Variants in CRPPA observed in about 807,000 individuals in gnomAD.
The protein encoded by CRPPA is CDP-L-ribitol pyrophosphorylase A.
Under a neutral mutation model 52.0 loss-of-function variants are expected in CRPPA, and 43 were observed. The observed-to-expected ratio is 0.83, with a 90% CI of 0.65 to 1.07. The LOEUF is 1.07. CRPPA is among the 50% of genes least tolerant of loss of function. The pLI is 0.00. For synonymous variants in CRPPA, 250 were observed against 203.5 expected, an observed-to-expected ratio of 1.23 and a Z score of -1.94; for missense variants, 629 against 551.7, an observed-to-expected ratio of 1.14 and a Z score of -1.40.
chr7:16,189,507 C>T (rs1444523162), intron 9 of CRPPA, among the ~76,000 whole-genome samples: 1 of 152,138 alleles, frequency 6.6e-6, no homozygotes, highest in Non-Finnish European at 1.5e-5. Context: ...GCAAGAGCTA[C>T]CACATAGCCA....
At chr7:16,225,915 G>A (rs1448669914) in intron 8 of CRPPA, among the ~76,000 whole-genome samples, 1 of 151,632 alleles carries the variant, frequency 6.6e-6, no homozygotes, top group Non-Finnish European at 1.5e-5. Flanking sequence ...CAAAGGCAAA[G>A]TAATCTTAAA....
intron 9 of CRPPA, among the ~76,000 whole-genome samples, chr7:16,174,832 AC>A (rs1781262271): frequency 6.6e-6 from 1 of 152,196 alleles, no homozygotes; most frequent in African/African-American, 2.4e-5. Flanking sequence ...AGGAACCCTT[AC>A]ATTATTCAGC....
intron 5 of CRPPA, among the ~76,000 whole-genome samples, chr7:16,281,646 C>G (rs1430477193): frequency 6.6e-6 from 1 of 152,138 alleles, no homozygotes; most frequent in Non-Finnish European, 1.5e-5. Context: ...TTTTCCTACT[C>G]TCTAGAAAGT....
At chr7:16,118,396 G>A (rs1363306830) in intron 9 of CRPPA, among the ~76,000 whole-genome samples, 1 of 152,176 alleles carries the variant, frequency 6.6e-6, no homozygotes, top group Non-Finnish European at 1.5e-5. Flanking sequence ...CTGGCATTGA[G>A]TTAGACTGAT....
chr7:16,217,630 A>G (rs1451592976), intron 8 of CRPPA, among the ~76,000 whole-genome samples: 1 of 147,196 alleles, frequency 6.8e-6, no homozygotes, highest in Non-Finnish European at 1.5e-5. Flanking sequence ...AGGCTCGAGA[A>G]CTACGTGAAG....
chr7:16,399,643 CAT>C (rs1787740385), intron 2 of CRPPA, among the ~76,000 whole-genome samples: 2 of 151,768 alleles, frequency 1.3e-5, no homozygotes, highest in South Asian at 4.2e-4. Context: ...ACATGATCGA[CAT>C]GTAATCAACG....
intron 9 of CRPPA, among the ~76,000 whole-genome samples, chr7:16,146,759 T>TA (rs141603004): frequency 0.023 from 3,522 of 151,978 alleles, 145 homozygotes; most frequent in African/African-American, 0.08. Flanking sequence ...AAATGTATAA[T>TA]AGACACACAA....
intron 9 of CRPPA, among the ~76,000 whole-genome samples, chr7:16,117,740 C>T (rs1782405055): frequency 6.6e-6 from 1 of 152,198 alleles, no homozygotes. Flanking sequence ...GCATTCCCAC[C>T]ATCTTCCTTG....
rs1466784149 is a variant in CRPPA at position 16,134,529 on chromosome 7, G to A, written c.1252-42730C>T. On this transcript the variant is annotated intron_variant, in intron 9 of 9. Transcript: ENST00000407010. ...CAATTATGTTACCAGTAAGGCATCCGGTCAACAGTAGGTTAGTAGTCAAGT... is the reference window on the plus strand; with the variant it reads ...CAATTATGTTACCAGTAAGGCATCCAGTCAACAGTAGGTTAGTAGTCAAGT... Among the ~76,000 whole-genome samples the A allele has an allele frequency of 2.6e-5, 4 of 152,100 alleles. No individual in the cohort carries two copies. In the East Asian group the frequency reaches 5.8e-4, roughly 22 times the overall value.
At chr7:16,287,951 GAAGGA>G (rs929523992) in intron 5 of CRPPA, among the ~76,000 whole-genome samples, 1 of 142,606 alleles carries the variant, frequency 7.0e-6, no homozygotes, top group Admixed American at 7.0e-5. Flanking sequence ...GGGAGGGAGG[GAAGGA>G]AAGAAGGAAA....
At chr7:16,338,803 T>C (rs1785748909) in intron 3 of CRPPA, among the ~76,000 whole-genome samples, 1 of 144,882 alleles carries the variant, frequency 6.9e-6, no homozygotes, top group Non-Finnish European at 1.5e-5. Context: ...TCATCGTGAA[T>C]TCTAGCAAAC....
chr7:16,226,500 A>G (rs1356663439), intron 8 of CRPPA, among the ~76,000 whole-genome samples: 3 of 151,910 alleles, frequency 2.0e-5, no homozygotes, highest in Non-Finnish European at 4.4e-5. Context: ...TGGTCGGCCA[A>G]ATAAAACACA....
intron 9 of CRPPA, among the ~76,000 whole-genome samples, chr7:16,131,079 T>C (rs1782672292): frequency 6.6e-6 from 1 of 152,192 alleles, no homozygotes; most frequent in Non-Finnish European, 1.5e-5. Flanking sequence ...TTTATGTTGT[T>C]TCTAAAACCA....
chr7:16,421,360 C>A lies in CRPPA; in HGVS notation c.-38G>T. 8.2e-7 allele frequency: 1 copy of A among 1,226,520 alleles called. No individual in the cohort carries two copies. Among genetic ancestry groups the A allele is most frequent in the Non-Finnish European group, 1.0e-6 (1 of 983,634 alleles). The allele number at this position is 1,226,520 out of a possible 1,614,324, so 76.0% of individuals were successfully genotyped here. A position where few individuals can be genotyped will look rare whatever the true frequency, so the allele number is the denominator to read the frequency against. ...AACGGCGAGCCCCGCTAGCCTCGGG[C>A]CGATGCGACCCCGCGCTGCTCCCAC... On this transcript the variant is annotated 5_prime_UTR_variant, in exon 1 of 10. Transcript: ENST00000407010.
chr7:16,325,967 C>T (rs74624521), intron 3 of CRPPA, among the ~76,000 whole-genome samples: 4,181 of 151,236 alleles, frequency 0.028, 220 homozygotes, highest in African/African-American at 0.097. Context: ...TAAAAACAAC[C>T]ATCATGCATA....
chr7:16,178,387 T>G (rs1781347490), intron 9 of CRPPA, among the ~76,000 whole-genome samples: 1 of 152,130 alleles, frequency 6.6e-6, no homozygotes. Flanking sequence ...AAGATTTATG[T>G]CCATAATGCT....
chr7:16,128,556 G>A (rs1281596480), intron 9 of CRPPA, among the ~76,000 whole-genome samples: 3 of 152,096 alleles, frequency 2.0e-5, no homozygotes, highest in Admixed American at 1.3e-4. Flanking sequence ...CAGAAGATAG[G>A]TAACAAAGCC....
In CRPPA at chr7:16,300,021, C is replaced by T. The variant is rs535228372; in HGVS notation, c.835+1400G>A. Among the ~76,000 whole-genome samples, 24 of 152,308 alleles carry T rather than the reference C, an allele frequency of 1.6e-4. No homozygotes were observed. In the East Asian group the frequency reaches 4.2e-3, roughly 27 times the overall value. On this transcript the variant is annotated intron_variant, in intron 5 of 9. Transcript: ENST00000407010. ...CTTGTGTTGAGGACACGACCGACCA[C>T]ATCATCATTCAGCCGACTTTTCCAG...
At chr7:16,340,866 T>C (rs940151785) in intron 3 of CRPPA, among the ~76,000 whole-genome samples, 3 of 152,154 alleles carry the variant, frequency 2.0e-5, no homozygotes, top group Non-Finnish European at 4.4e-5. Flanking sequence ...CATTCTTCAG[T>C]AGGTGAATGA....
Sources: allele counts gnomAD v4.1 joint callset (sites outside exome capture counted in the v4.1 genomes callset), GRCh38; gene constraint gnomAD v4.1.1; transcripts MANE v1.5; gene names NCBI Gene and HGNC (gene_info 2026-07-23, HGNC 2026-07-21).